Variants in ELP2 observed in about 807,000 individuals in gnomAD.
ELP2 encodes elongator complex protein 2.
Under a neutral mutation model 119.2 loss-of-function variants are expected in ELP2, and 90 were observed. The ratio of observed to expected loss-of-function variants is 0.75; its 90% CI spans 0.64 to 0.90. ELP2 has a LOEUF of 0.90. Ranked by LOEUF, ELP2 falls within the 40% of genes least tolerant of loss-of-function variation. ELP2 has a pLI of 0.00. For missense variants in ELP2, 921 were observed against 967.8 expected, an observed-to-expected ratio of 0.95 and a Z score of 0.64; for synonymous variants, 339 against 331.0, an observed-to-expected ratio of 1.02 and a Z score of -0.26.
Position 36,156,635 on chromosome 18 carries a change from T to C in ELP2, c.1445T>C (p.Leu482Pro), listed in dbSNP as rs2090584399. 2 of 1,614,086 alleles carry C rather than the reference T, an allele frequency of 1.2e-6. No individual in the cohort carries two copies. Among genetic ancestry groups the C allele is most frequent in the Non-Finnish European group, 8.5e-7 (1 of 1,179,944 alleles). ...TTTTGTGCCATTACAGGACAATCAC[T>C]GAATCATGTGCTCTGTAATGTGAGT... ...ENFCAITGQS[L>P]NHVLCNQDSD... Residue 482 changes from leucine (L) to proline (P), a missense_variant, in exon 13 of 22, where the codon CTG becomes CCG. Coordinates refer to ENST00000358232, the MANE Select transcript of ELP2 (RefSeq NM_018255.4).
chr18:36,141,233 A>G (rs1361229975), intron 6 of ELP2, 32 bp downstream of exon 6: 3 of 1,527,790 alleles, frequency 2.0e-6, no homozygotes, highest in South Asian at 1.1e-5. Context: ...GGCTGGAATT[A>G]TATTCTGCTT....
At position 36,178,509 on chromosome 18, in the gene ELP2, T is replaced by C. The variant is rs569280353; in HGVS notation, c.*3868T>C. ...TTGCCTCTTGATCTGAACTAGCCAA[T>C]CAATCTTGTAAAAATGTGCTTAAGG... On this transcript the variant is annotated 3_prime_UTR_variant, in exon 22 of 22. Transcript: ENST00000358232. 1.3e-5 allele frequency: 2 copies of C among 152,304 alleles called. No individual in the cohort carries two copies. Among genetic ancestry groups the C allele is most frequent in the East Asian group, 3.9e-4 (2 of 5,182 alleles). 9.4% of individuals were successfully genotyped at this position (152,304 alleles called of 1,614,324 possible). A position where few individuals can be genotyped will look rare whatever the true frequency, so the allele number is the denominator to read the frequency against.
At chr18:36,150,594 A>G (rs1407197115) in intron 11 of ELP2, among the ~76,000 whole-genome samples, 3 of 152,350 alleles carry the variant, frequency 2.0e-5, no homozygotes, top group Admixed American at 1.3e-4. Context: ...AGCTTTAGCC[A>G]TAAGCTCGAG....
At chr18:36,140,971 A>G (rs954381942) in intron 5 of ELP2, among the ~76,000 whole-genome samples, 166 bp from the exon 6 acceptor site, 1 of 152,200 alleles carries the variant, frequency 6.6e-6, no homozygotes, top group Non-Finnish European at 1.5e-5. Context: ...TAGAGTGTTC[A>G]TTGTATTCCT....
chr18:36,169,904 A>G (rs1435523015), intron 19 of ELP2, 159 bp from the exon 20 acceptor site: 2 of 928,544 alleles, frequency 2.2e-6, no homozygotes, highest in Non-Finnish European at 3.3e-6. Flanking sequence ...TGATGCTTGA[A>G]ATGCTCTCAA....
chr18:36,133,860 C>G (rs2089725046), intron 2 of ELP2, among the ~76,000 whole-genome samples: 1 of 142,818 alleles, frequency 7.0e-6, no homozygotes, highest in Admixed American at 7.1e-5. Context: ...GCTGGGACCA[C>G]AAGTGTGTGG....
chr18:36,169,757 C>T (rs1340150751), intron 19 of ELP2, among the ~76,000 whole-genome samples: 1 of 151,960 alleles, frequency 6.6e-6, no homozygotes, highest in African/African-American at 2.4e-5. Context: ...ACTGATGGGA[C>T]TCCACTGGAT....
rs544184777 is a variant in ELP2 at position 36,156,205 on chromosome 18, G to A, written c.1276-261G>A. 5.3e-5 allele frequency among the ~76,000 whole-genome samples: 8 copies of A among 152,282 alleles called. No homozygotes were observed. In the East Asian group the frequency reaches 1.4e-3, roughly 26 times the overall value. The stretch of plus-strand genomic sequence containing the variant: ...ACTAACACTACTGCTTGAGTAACAC[G>A]TGGTAGATTCAAATAAATAGAGTTG... On this transcript the variant is annotated intron_variant, in intron 12 of 21. Coordinates refer to ENST00000358232, the MANE Select transcript of ELP2 (RefSeq NM_018255.4).
chr18:36,145,102 T>C, intron 9 of ELP2, 68 bp downstream of exon 9: 2 of 1,234,284 alleles, frequency 1.6e-6, no homozygotes, highest in Admixed American at 1.7e-5. Flanking sequence ...GCTGACCAAA[T>C]CAAGTGGAGA....
intron 3 of ELP2, among the ~76,000 whole-genome samples, chr18:36,137,559 A>G (rs988329854): frequency 6.6e-6 from 1 of 152,170 alleles, no homozygotes; most frequent in African/African-American, 2.4e-5. Flanking sequence ...AATGTCACAC[A>G]TTTGAAACTT....
At chr18:36,138,075 A>G in intron 3 of ELP2, 195 bp from the exon 4 acceptor site, 1 of 573,822 alleles carries the variant, frequency 1.7e-6, no homozygotes, top group Non-Finnish European at 3.1e-6. Flanking sequence ...AGATTCCTAG[A>G]TATGAGATTG....
intron 12 of ELP2, 140 bp downstream of exon 12, chr18:36,155,139 A>C (rs2090527845): frequency 1.4e-6 from 1 of 697,956 alleles, no homozygotes; most frequent in Non-Finnish European, 2.5e-6. Context: ...CAGCCTCCCG[A>C]GTAGCTGGGA....
Position 36,163,774 on chromosome 18 carries a change from G to A in ELP2, c.1762-701G>A, listed in dbSNP as rs79345593. 6.0e-3 allele frequency among the ~76,000 whole-genome samples: 918 copies of A among 152,130 alleles called. 9 individuals carry two copies. Among genetic ancestry groups the A allele is most frequent in the African/African-American group, 0.021 (860 of 41,504 alleles). On this transcript the variant is annotated intron_variant, in intron 17 of 21. Coordinates refer to ENST00000358232, the MANE Select transcript of ELP2 (RefSeq NM_018255.4). ...TTGTTCATATATGTGGGTCTGTTCCGTAGACTTTATTCAGTTCTATTGATC... is the reference window on the plus strand; with the variant it reads ...TTGTTCATATATGTGGGTCTGTTCCATAGACTTTATTCAGTTCTATTGATC...
At chr18:36,158,979 A>G (rs1598805814) in intron 14 of ELP2, 75 bp downstream of exon 14, 3 of 1,023,900 alleles carry the variant, frequency 2.9e-6, no homozygotes, top group Non-Finnish European at 4.6e-6. Context: ...TGTAATGTCT[A>G]CCTAATGTTT....
rs1262604489 is a variant in ELP2, at chr18:36,141,273, AT to A, written c.588+74del. On this transcript the variant is annotated intron_variant, in intron 6 of 21. Transcript: ENST00000358232. ...ATATCTCAATACAGACTATATCCAG[AT>A]TATAGAATTTTAGGGAATGTTCTAA... 8.1e-5 allele frequency: 103 copies of A among 1,264,076 alleles called. No homozygotes were observed. The East Asian group carries it at 2.4e-3, about 29-fold the overall frequency. The allele number at this position is 1,264,076 out of a possible 1,614,324, so 78.3% of individuals were successfully genotyped here. A position where few individuals can be genotyped will look rare whatever the true frequency, so the allele number is the denominator to read the frequency against.
chr18:36,160,840 G>T (rs781176861), intron 16 of ELP2, 92 bp from the exon 17 acceptor site: 45 of 796,596 alleles, frequency 5.6e-5, no homozygotes, highest in Non-Finnish European at 9.2e-5. Context: ...ATTAGCTAGA[G>T]AGGTTGATGT....
At chr18:36,135,402 A>G (rs969971547) in intron 2 of ELP2, among the ~76,000 whole-genome samples, 3 of 152,204 alleles carry the variant, frequency 2.0e-5, no homozygotes, top group Non-Finnish European at 4.4e-5. Flanking sequence ...ATAGTTAGTT[A>G]AGTGGCTCAA....
chr18:36,147,845 A>G (rs2090260193), intron 11 of ELP2, among the ~76,000 whole-genome samples: 1 of 151,692 alleles, frequency 6.6e-6, no homozygotes, highest in South Asian at 2.1e-4. Flanking sequence ...TGTGTTTTTT[A>G]TTAACACTTA....
chr18:36,170,975 A>G (rs1180064924), intron 20 of ELP2, 72 bp from the exon 21 acceptor site: 4 of 1,087,730 alleles, frequency 3.7e-6, no homozygotes, highest in Non-Finnish European at 4.2e-6. Context: ...GTGAAGAACT[A>G]CTTTAGAGCA....
Sources: gnomAD v4.1 joint callset for allele counts (sites outside exome capture counted in the v4.1 genomes callset) on GRCh38, gnomAD v4.1.1 for gene constraint, MANE v1.5 for transcripts, NCBI Gene and HGNC (gene_info 2026-07-23, HGNC 2026-07-21) for gene names.